BMP2K: variants seen among roughly 807,000 people sequenced by gnomAD.
BMP2K encodes the protein BMP2 inducible kinase, also known as BMP-2-inducible protein kinase.
Under a neutral mutation model 116.0 loss-of-function variants are expected in BMP2K, and 74 were observed. That is an observed-to-expected ratio of 0.64 (90% confidence interval 0.53 to 0.77). The LOEUF (loss-of-function observed/expected upper bound fraction) is 0.77, where lower values mean the gene tolerates loss of function less well. Among genes scored for constraint, BMP2K ranks in the 30% least tolerant of loss-of-function variants. The pLI is 0.00. For missense variants in BMP2K, 1,365 were observed against 1,403.6 expected (o/e 0.97, Z 0.44); for synonymous variants, 486 against 502.5 (o/e 0.97, Z 0.44).
At chr4:78,801,734 AT>A (rs1728576449) in intron 1 of BMP2K, among the ~76,000 whole-genome samples, 2 of 152,204 alleles carry the variant, frequency 1.3e-5, no homozygotes, top group Non-Finnish European at 2.9e-5. Context: ...GACTAAAGTT[AT>A]AACTCTGTGC....
At chr4:78,804,777 CTTT>C (rs1020176318) in intron 1 of BMP2K, among the ~76,000 whole-genome samples, 4 of 130,464 alleles carry the variant, frequency 3.1e-5, no homozygotes, top group African/African-American at 1.1e-4. Flanking sequence ...ATTGGGTTGT[CTTT>C]TTATTGTTCA....
chr4:78,904,086 A>G (rs1267545271), intron 15 of BMP2K, among the ~76,000 whole-genome samples: 1 of 152,000 alleles, frequency 6.6e-6, no homozygotes, highest in Non-Finnish European at 1.5e-5. Context: ...TAAAGCCATC[A>G]AAAGGAAAAA....
intron 14 of BMP2K, among the ~76,000 whole-genome samples, chr4:78,881,857 A>C (rs1732895011): frequency 6.6e-6 from 1 of 152,082 alleles, no homozygotes; most frequent in Non-Finnish European, 1.5e-5. Flanking sequence ...ATCATTTTAC[A>C]AAATGAATAA....
rs561603549 is a variant in BMP2K at position 78,861,869 on chromosome 4, G to A, written c.1067+401G>A. On this transcript the variant is annotated intron_variant, in intron 9 of 15. Coordinates refer to ENST00000502613, the MANE Select transcript of BMP2K (RefSeq NM_198892.2). ...CAGGTAACTAGAATATATAGAATAT[G>A]TATGTACTTTGTAGAATTTGTAATG... Among the ~76,000 whole-genome samples the A allele has an allele frequency of 1.7e-3, 258 of 151,968 alleles. 2 individuals are homozygous for A. In the Middle Eastern group the frequency reaches 0.037, roughly 22 times the overall value.
At chr4:78,814,967 GT>G (rs1167134468) in intron 1 of BMP2K, among the ~76,000 whole-genome samples, 2 of 151,920 alleles carry the variant, frequency 1.3e-5, no homozygotes, top group East Asian at 1.9e-4. Context: ...ATTTTTCAAT[GT>G]TTTTTTCCCC....
chr4:78,880,918 G>A (rs1333264875), intron 14 of BMP2K, among the ~76,000 whole-genome samples: 2 of 152,232 alleles, frequency 1.3e-5, no homozygotes, highest in Non-Finnish European at 2.9e-5. Flanking sequence ...GTGAAGGTTA[G>A]ACTTGGAGCA....
chr4:78,890,537 A>T, intron 15 of BMP2K, among the ~76,000 whole-genome samples: 1 of 152,102 alleles, frequency 6.6e-6, no homozygotes, highest in East Asian at 1.9e-4. Context: ...GAGGTTTATT[A>T]TCTATCCCAT....
At chr4:78,808,581 A>G (rs988576279) in intron 1 of BMP2K, among the ~76,000 whole-genome samples, 2 of 152,098 alleles carry the variant, frequency 1.3e-5, no homozygotes, top group South Asian at 2.1e-4. Flanking sequence ...CTTTTTTAAT[A>G]CAGGTGTTTT....
Position 78,870,973 on chromosome 4 carries a change from G to GCAA in BMP2K, c.1425_1427dup (p.Gln486dup). On this transcript the variant is annotated inframe_insertion, in exon 11 of 16. Transcript: ENST00000502613. ...AGCAGCAACAGCAACAGCAGCAGCAGCAACAGCAACAGCAGCAGCAGCAGC... is the reference window on the plus strand; with the variant it reads ...AGCAGCAACAGCAACAGCAGCAGCAGCAACAACAGCAACAGCAGCAGCAGCAGC... 1.2e-6 allele frequency: 2 copies of GCAA among 1,609,682 alleles called. No homozygotes were observed. The highest frequency in any genetic ancestry group is 1.7e-6 in the Non-Finnish European group (2 of 1,178,946).
At chr4:78,783,691 A>G (rs1727608209) in intron 1 of BMP2K, among the ~76,000 whole-genome samples, 1 of 152,168 alleles carries the variant, frequency 6.6e-6, no homozygotes, top group East Asian at 1.9e-4. Context: ...CTATAATAAC[A>G]GCTACTCATG....
At chr4:78,796,963 G>T (rs922981642) in intron 1 of BMP2K, among the ~76,000 whole-genome samples, 1 of 152,160 alleles carries the variant, frequency 6.6e-6, no homozygotes, top group Admixed American at 6.5e-5. Context: ...AAAAGTAGTG[G>T]CTTCATTTTA....
At chr4:78,830,651 G>T (rs1405386879) in intron 2 of BMP2K, among the ~76,000 whole-genome samples, 4 of 152,188 alleles carry the variant, frequency 2.6e-5, no homozygotes, top group African/African-American at 9.7e-5. Flanking sequence ...TGAATAACTT[G>T]CTGCATTTCC....
At chr4:78,868,342 GC>G (rs1327645288) in intron 10 of BMP2K, among the ~76,000 whole-genome samples, 1 of 151,950 alleles carries the variant, frequency 6.6e-6, no homozygotes, top group Non-Finnish European at 1.5e-5. Context: ...CAAGAAAGAC[GC>G]CCCCGTGATT....
chr4:78,865,794 C>T (rs1732021780), intron 10 of BMP2K, 74 bp downstream of exon 10: 3 of 1,433,074 alleles, frequency 2.1e-6, no homozygotes, highest in South Asian at 2.5e-5. Context: ...ATTTCCTGAC[C>T]TCAGGTGATC....
intron 1 of BMP2K, among the ~76,000 whole-genome samples, chr4:78,789,895 C>G (rs1297002135): frequency 6.6e-6 from 1 of 152,196 alleles, no homozygotes; most frequent in Admixed American, 6.5e-5. Flanking sequence ...TTATCCTCTG[C>G]TTTTCTTCTC....
Position 78,826,151 on chromosome 4 carries a change from T to G in BMP2K, c.293T>G (p.Ile98Ser). ...AATGTTTGTAAAAGGGAAATTACAA[T>G]TATGGTAAGTGAAGGAGTAGTTCTC... ...DLNVCKREIT[I>S]MKELSGHKNI... is the part of the protein sequence containing the mutation. The change falls in exon 2 of 16, where the codon ATT becomes AGT. Residue 98 changes from isoleucine (I) to serine (S), a missense_variant. Ile to Ser is a moderately radical substitution (Grantham distance 142). Around this residue, in one of 3 missense-constraint regions of BMP2K, gnomAD observed 762 missense variants for 756.7 expected, o/e 1.01. Coordinates refer to ENST00000502613, the MANE Select transcript of BMP2K (RefSeq NM_198892.2). 9 of 1,605,198 alleles carry G rather than the reference T, an allele frequency of 5.6e-6. No individual in the cohort carries two copies. Among genetic ancestry groups the G allele is most frequent in the Non-Finnish European group, 7.7e-6 (9 of 1,172,636 alleles).
chr4:78,874,944 T>C (rs1732562149), intron 13 of BMP2K, among the ~76,000 whole-genome samples: 1 of 152,166 alleles, frequency 6.6e-6, no homozygotes, highest in South Asian at 2.1e-4. Flanking sequence ...TCATCTTGCA[T>C]TCCCCAGGTT....
Position 78,851,329 on chromosome 4 carries a change from C to T in BMP2K, c.883+273C>T, listed in dbSNP as rs138649277. On this transcript the variant is annotated intron_variant, in intron 7 of 15. Coordinates refer to ENST00000502613, the MANE Select transcript of BMP2K (RefSeq NM_198892.2). ...TCAGAAGGGCTAGTCTTCGAGAGGCCCTCGATTTCAAAAGAATATTTTAAT... is the reference window on the plus strand; with the variant it reads ...TCAGAAGGGCTAGTCTTCGAGAGGCTCTCGATTTCAAAAGAATATTTTAAT... Among the ~76,000 whole-genome samples the T allele has an allele frequency of 3.2e-4, 48 of 152,024 alleles. No homozygotes were observed. In the East Asian group the frequency reaches 3.9e-3, roughly 12 times the overall value.
At chr4:78,896,161 G>A (rs888632578) in intron 15 of BMP2K, among the ~76,000 whole-genome samples, 2 of 152,118 alleles carry the variant, frequency 1.3e-5, no homozygotes, top group Non-Finnish European at 2.9e-5. Context: ...GATTATAAAT[G>A]ACATTCATTT....
Sources: allele counts gnomAD v4.1 joint callset (sites outside exome capture counted in the v4.1 genomes callset), GRCh38; gene constraint gnomAD v4.1.1; regional missense constraint gnomAD v4.1.1; transcripts MANE v1.5; gene names NCBI Gene and HGNC (gene_info 2026-07-23, HGNC 2026-07-21).